HERC3: variants seen among roughly 807,000 people sequenced by gnomAD.
HERC3 encodes probable E3 ubiquitin-protein ligase HERC3.
In HERC3, 58 loss-of-function variants were observed where a neutral mutation model predicts 129.9. That is an observed-to-expected ratio of 0.45 (90% CI 0.36 to 0.56). HERC3 has a LOEUF of 0.56. Ranked by LOEUF, HERC3 falls within the 20% of genes least tolerant of loss-of-function variation. The pLI is 0.00. For synonymous variants in HERC3, 430 were observed against 451.0 expected, an observed-to-expected ratio of 0.95 and a Z score of 0.59; for missense variants, 835 against 1,244.2, an observed-to-expected ratio of 0.67 and a Z score of 4.95.
At chr4:88,624,324 A>G (rs1481541226) in intron 3 of HERC3, among the ~76,000 whole-genome samples, 1 of 152,234 alleles carries the variant, frequency 6.6e-6, no homozygotes, top group Non-Finnish European at 1.5e-5. Flanking sequence ...TGTATGTTCC[A>G]TTTTATAAGA....
intron 3 of HERC3, among the ~76,000 whole-genome samples, chr4:88,615,665 GATA>G (rs781696157): frequency 3.3e-5 from 5 of 152,108 alleles, no homozygotes; most frequent in Non-Finnish European, 7.4e-5. Context: ...TGTAAATGTA[GATA>G]ATAATGTCTA....
chr4:88,677,586 A>AT (rs1732305513), intron 18 of HERC3, among the ~76,000 whole-genome samples: 1 of 152,186 alleles, frequency 6.6e-6, no homozygotes, highest in Admixed American at 6.5e-5. Context: ...TTTTCAAAGA[A>AT]TAACTCTTTT....
intron 19 of HERC3, 93 bp downstream of exon 19, chr4:88,678,227 G>A (rs1471289103): frequency 2.7e-6 from 3 of 1,110,716 alleles, no homozygotes; most frequent in Middle Eastern, 2.1e-4. Flanking sequence ...AAATTGTGGG[G>A]TGCAGCCATT....
chr4:88,618,013 G>T (rs771943748), intron 3 of HERC3, among the ~76,000 whole-genome samples: 1 of 152,240 alleles, frequency 6.6e-6, no homozygotes, highest in Non-Finnish European at 1.5e-5. Flanking sequence ...AGGACGAGCT[G>T]GAAGCGAGGA....
chr4:88,638,415 T>C (rs973279214), intron 3 of HERC3, among the ~76,000 whole-genome samples: 1 of 152,224 alleles, frequency 6.6e-6, no homozygotes, highest in African/African-American at 2.4e-5. Context: ...AGCTTCATCC[T>C]GGGATGCAAG....
chr4:88,580,718 T>C, the HERC3 span, among the ~76,000 whole-genome samples: 1 of 152,224 alleles, frequency 6.6e-6, no homozygotes, highest in Non-Finnish European at 1.5e-5. Flanking sequence ...TTACATCCTT[T>C]AGTTACAGAT....
chr4:88,665,909 C>T (rs148768322), intron 12 of HERC3, among the ~76,000 whole-genome samples: 20 of 152,258 alleles, frequency 1.3e-4, no homozygotes, highest in Middle Eastern at 3.4e-3. Context: ...GGGTTCTCAA[C>T]CAGGGTGATT....
chr4:88,524,299 A>T, the HERC3 span, among the ~76,000 whole-genome samples: 1 of 152,248 alleles, frequency 6.6e-6, no homozygotes, highest in African/African-American at 2.4e-5. Flanking sequence ...TTCCTGCCTG[A>T]GACCCAGTCA....
intron 2 of HERC3, among the ~76,000 whole-genome samples, chr4:88,602,050 C>T (rs1217225595): frequency 4.4e-5 from 3 of 68,594 alleles, no homozygotes; most frequent in Admixed American, 1.4e-4. Flanking sequence ...AGCGAGACTC[C>T]GTCTCAAAAA....
chr4:88,629,121 G>C (rs1335985969), intron 3 of HERC3, among the ~76,000 whole-genome samples: 1 of 152,188 alleles, frequency 6.6e-6, no homozygotes, highest in East Asian at 1.9e-4. Flanking sequence ...TTGTGCCGCT[G>C]TACTCCAGCC....
At chr4:88,562,214 A>T in the HERC3 span, among the ~76,000 whole-genome samples, 2 of 152,150 alleles carry the variant, frequency 1.3e-5, no homozygotes, top group African/African-American at 4.8e-5. Flanking sequence ...ATGATATCTC[A>T]TTGTAATTTT....
chr4:88,674,766 T>C (rs1731983764), intron 16 of HERC3, among the ~76,000 whole-genome samples: 1 of 152,212 alleles, frequency 6.6e-6, no homozygotes. Flanking sequence ...AAGATTGGTC[T>C]GGATTATATA....
At chr4:88,608,093 C>T (rs1422277989) in intron 3 of HERC3, among the ~76,000 whole-genome samples, 2 of 152,078 alleles carry the variant, frequency 1.3e-5, no homozygotes, top group Non-Finnish European at 2.9e-5. Context: ...ACACTGTCTC[C>T]CTCTTCTCTC....
In HERC3 at chr4:88,687,200, T is replaced by C. The variant is rs765758716; in HGVS notation, c.2575-17T>C. On this transcript the variant is annotated splice_polypyrimidine_tract_variant and intron_variant, in intron 22 of 25. Coordinates refer to ENST00000402738, the MANE Select transcript of HERC3 (RefSeq NM_014606.3). Reference sequence around the variant, plus strand: ...TTAACAAAATTGAAATATTTCTTTTTTCCACCTTAAATATAGATCTGCCGA... The same window carrying C: ...TTAACAAAATTGAAATATTTCTTTTCTCCACCTTAAATATAGATCTGCCGA... The C allele has an allele frequency of 6.3e-7, 1 of 1,588,286 alleles. No individual in the cohort carries two copies. The highest frequency in any genetic ancestry group is 8.6e-7 in the Non-Finnish European group (1 of 1,160,050).
intron 23 of HERC3, chr4:88,693,685 T>C (rs1410364432): frequency 1.0e-6 from 1 of 984,484 alleles, no homozygotes; most frequent in Non-Finnish European, 1.2e-6. Flanking sequence ...TAAATGTGTC[T>C]ATGTGTATGC....
chr4:88,641,211 A>G (rs923108954), intron 3 of HERC3, among the ~76,000 whole-genome samples: 3 of 152,260 alleles, frequency 2.0e-5, no homozygotes, highest in African/African-American at 7.2e-5. Context: ...TAAATAATCA[A>G]TGAGTCAAAG....
intron 3 of HERC3, among the ~76,000 whole-genome samples, chr4:88,628,974 G>C (rs1319623727): frequency 1.3e-5 from 2 of 152,126 alleles, no homozygotes; most frequent in African/African-American, 4.8e-5. Flanking sequence ...AGGAATTTGA[G>C]ATCAGCCTGG....
intron 16 of HERC3, among the ~76,000 whole-genome samples, chr4:88,672,773 G>T (rs185970018): frequency 2.6e-5 from 4 of 152,320 alleles, no homozygotes; most frequent in Admixed American, 2.6e-4. Context: ...ATGGGAGAAA[G>T]CATGGAAAGA....
rs577925091 is a variant in HERC3 at position 88,707,641 on chromosome 4, A to T, written c.*681A>T. 10 of 152,328 alleles carry T rather than the reference A, an allele frequency of 6.6e-5. No individual in the cohort carries two copies. The highest frequency in any genetic ancestry group is 2.4e-4 in the African/African-American group (10 of 41,542). 9.4% of individuals were successfully genotyped at this position (152,328 alleles called of 1,614,324 possible). A position where few individuals can be genotyped will look rare whatever the true frequency, so the allele number is the denominator to read the frequency against. On this transcript the variant is annotated 3_prime_UTR_variant, in exon 26 of 26. Coordinates refer to ENST00000402738, the MANE Select transcript of HERC3 (RefSeq NM_014606.3). ...TCCCATGGCTGTGCCTATTTCCTAG[A>T]CCTTTTAAAAGATGTGCAGAGCAGC...
Sources: gnomAD v4.1 joint callset for allele counts (sites outside exome capture counted in the v4.1 genomes callset) on GRCh38, gnomAD v4.1.1 for gene constraint, MANE v1.5 for transcripts, NCBI Gene and HGNC (gene_info 2026-07-23, HGNC 2026-07-21) for gene names.